Variants in UBE2K observed in about 807,000 individuals in gnomAD.
UBE2K encodes ubiquitin-conjugating enzyme E2 K.
Under a neutral mutation model 30.0 loss-of-function variants are expected in UBE2K, and 6 were observed. That is an observed-to-expected ratio of 0.20 (90% CI 0.11 to 0.39). UBE2K has a LOEUF of 0.39. Among genes scored for constraint, UBE2K ranks in the 10% least tolerant of loss-of-function variants. The pLI is 1.00. For synonymous variants in UBE2K, 86 were observed against 83.7 expected (o/e 1.03, Z -0.15); for missense variants, 61 against 241.6 (o/e 0.25, Z 4.96).
At chr4:39,761,846 G>A (rs2381428) in intron 4 of UBE2K, among the ~76,000 whole-genome samples, 79,671 of 151,768 alleles carry the variant, frequency 0.52, 21,668 homozygotes, top group Admixed American at 0.65. Flanking sequence ...CGAAGATACA[G>A]TTTCTATAGT....
chr4:39,754,521 C>T (rs568976921), intron 3 of UBE2K, among the ~76,000 whole-genome samples: 55 of 152,158 alleles, frequency 3.6e-4, no homozygotes, highest in African/African-American at 1.2e-3. Flanking sequence ...TTAAAGAGTC[C>T]GTTTTTTTCC....
At chr4:39,712,018 G>A (rs1718718286) in intron 1 of UBE2K, among the ~76,000 whole-genome samples, 1 of 150,944 alleles carries the variant, frequency 6.6e-6, no homozygotes, top group Non-Finnish European at 1.5e-5. Context: ...TCCATCCTGG[G>A]CAAGAGAGGG....
intron 4 of UBE2K, among the ~76,000 whole-genome samples, chr4:39,765,721 A>T (rs11947966): frequency 0.53 from 80,931 of 151,868 alleles, 22,141 homozygotes; most frequent in Admixed American, 0.65. Context: ...ACTAGGGAGA[A>T]TCGCTTGAAC....
intron 5 of UBE2K, among the ~76,000 whole-genome samples, chr4:39,777,118 T>G (rs977888507): frequency 7.2e-5 from 11 of 152,184 alleles, no homozygotes; most frequent in African/African-American, 2.4e-4. Flanking sequence ...ATATGGGAAG[T>G]CTTTTAATAA....
At position 39,770,612 on chromosome 4, in the gene UBE2K, G is replaced by C. The variant is rs1258610097; in HGVS notation, c.300-4222G>C. The C allele has an allele frequency of 5.6e-5, 89 of 1,592,980 alleles. 1 individual carries two copies. In the South Asian group the frequency reaches 9.1e-4, roughly 16 times the overall value. The stretch of plus-strand genomic sequence containing the variant: ...CCCGGCCTCCCGGAGTCAACAGCAG[G>C]CTCTCCCCTTCTGCGTTCTCCGACA... On this transcript the variant is annotated intron_variant, in intron 4 of 6. Coordinates refer to ENST00000261427, the MANE Select transcript of UBE2K (RefSeq NM_005339.5).
chr4:39,706,447 G>C (rs1385477716), intron 1 of UBE2K, among the ~76,000 whole-genome samples: 1 of 149,718 alleles, frequency 6.7e-6, no homozygotes, highest in African/African-American at 2.5e-5. Flanking sequence ...TAAATGGTGA[G>C]CCACCATGCC....
At chr4:39,770,125 C>G in intron 4 of UBE2K, 2 of 1,591,298 alleles carry the variant, frequency 1.3e-6, no homozygotes, top group Middle Eastern at 2.2e-4. Context: ...GTCTCCAGCA[C>G]GTTCTCGGCG....
intron 4 of UBE2K, among the ~76,000 whole-genome samples, chr4:39,762,840 G>T (rs1349457390): frequency 6.6e-6 from 1 of 151,952 alleles, no homozygotes; most frequent in East Asian, 1.9e-4. Context: ...CACTGTGTTG[G>T]CCAGGCTGGT....
chr4:39,757,748 T>C (rs927244452), intron 4 of UBE2K, among the ~76,000 whole-genome samples: 3 of 152,234 alleles, frequency 2.0e-5, no homozygotes, highest in Admixed American at 1.3e-4. Context: ...TTCAGTGATA[T>C]GAATACATAT....
chr4:39,775,651 C>T (rs771963950), intron 5 of UBE2K, among the ~76,000 whole-genome samples: 1 of 152,120 alleles, frequency 6.6e-6, no homozygotes, highest in Admixed American at 6.6e-5. Flanking sequence ...ACCTGAGAGG[C>T]TGAAGTGGGA....
chr4:39,750,393 T>A (rs541360859), intron 3 of UBE2K, among the ~76,000 whole-genome samples: 17 of 152,282 alleles, frequency 1.1e-4, no homozygotes, highest in Middle Eastern at 3.4e-3. Flanking sequence ...ATATTGATAA[T>A]TTAAGAATAG....
At position 39,746,178 on chromosome 4, in the gene UBE2K, C is replaced by T. The variant is rs925896210; in HGVS notation, c.216+368C>T. On this transcript the variant is annotated intron_variant, in intron 3 of 6. Transcript: ENST00000261427. ...ATGTGTTTTAGGAGAGTACCTTCTACATTCAGTCATTATTTGAGTACTTTG... is the reference window on the plus strand; with the variant it reads ...ATGTGTTTTAGGAGAGTACCTTCTATATTCAGTCATTATTTGAGTACTTTG... Among the ~76,000 whole-genome samples, 148 of 152,050 alleles carry T rather than the reference C, an allele frequency of 9.7e-4. 1 individual carries two copies. The highest frequency in any genetic ancestry group is 9.5e-3 in the Admixed American group (145 of 15,236).
chr4:39,736,820 G>A (rs1720406541), intron 1 of UBE2K, among the ~76,000 whole-genome samples: 1 of 152,280 alleles, frequency 6.6e-6, no homozygotes, highest in Non-Finnish European at 1.5e-5. Flanking sequence ...ATTGAAGAAG[G>A]CCTTTTCTTT....
intron 3 of UBE2K, among the ~76,000 whole-genome samples, chr4:39,752,042 G>A (rs1304309355): frequency 1.3e-5 from 2 of 152,178 alleles, no homozygotes; most frequent in African/African-American, 2.4e-5. Context: ...TGACTGAACC[G>A]TAATCCTTCT....
chr4:39,745,714 G>A (rs2109360732), intron 2 of UBE2K, 38 bp from the exon 3 acceptor site: 2 of 1,382,102 alleles, frequency 1.4e-6, no homozygotes, highest in East Asian at 2.3e-5. Context: ...TATTTGAATT[G>A]AGCAGCATTC....
chr4:39,735,241 G>A (rs1336834075), intron 1 of UBE2K, among the ~76,000 whole-genome samples: 3 of 152,064 alleles, frequency 2.0e-5, no homozygotes, highest in Non-Finnish European at 4.4e-5. Flanking sequence ...ATGGAGTCTC[G>A]CTCTTTCACC....
At position 39,779,042 on chromosome 4, in the gene UBE2K, A is replaced by ACCCCCCCCCCCCCCCCCCCCTCCCC. The variant is rs3839130; in HGVS notation, c.*616_*617insCCCCCCCCCCCCTCCCCCCCCCCCC. On this transcript the variant is annotated 3_prime_UTR_variant, in exon 7 of 7. Coordinates refer to ENST00000261427, the MANE Select transcript of UBE2K (RefSeq NM_005339.5). ...TGGGACAGTGTCTGATTCCCCCTTCACCCCCCCCACCCCCGCCTTGCCACA... is the reference window on the plus strand; with the variant it reads ...TGGGACAGTGTCTGATTCCCCCTTCACCCCCCCCCCCCCCCCCCCCTCCCCCCCCCCCCACCCCCGCCTTGCCACA... 3 of 128,220 alleles carry ACCCCCCCCCCCCCCCCCCCCTCCCC rather than the reference A, an allele frequency of 2.3e-5. No individual in the cohort carries two copies. The highest frequency in any genetic ancestry group is 2.5e-4 in the South Asian group (1 of 4,008). The allele number at this position is 128,220 out of a possible 1,614,324, so 7.9% of individuals were successfully genotyped here.
intron 1 of UBE2K, among the ~76,000 whole-genome samples, chr4:39,733,051 G>GAAAAAAA (rs59978380): frequency 1.1e-4 from 11 of 97,050 alleles, no homozygotes; most frequent in Non-Finnish European, 1.6e-4. Context: ...GGAACATCAG[G>GAAAAAAA]AAAAAAAAAA....
At chr4:39,725,082 T>TA (rs1719668344) in intron 1 of UBE2K, among the ~76,000 whole-genome samples, 1 of 151,986 alleles carries the variant, frequency 6.6e-6, no homozygotes, top group Admixed American at 6.6e-5. Flanking sequence ...GTCCTGTTGT[T>TA]ATACAAAAGC....
Sources: allele counts gnomAD v4.1 joint callset (sites outside exome capture counted in the v4.1 genomes callset), GRCh38; gene constraint gnomAD v4.1.1; transcripts MANE v1.5; gene names NCBI Gene and HGNC (gene_info 2026-07-23, HGNC 2026-07-21).